The following WWOX variants were observed in gnomAD, a reference collection of about 807,000 sequenced individuals.
WWOX encodes WW domain containing oxidoreductase.
A neutral mutation model predicts 46.2 loss-of-function variants in WWOX; 69 were observed. That is an observed-to-expected ratio of 1.49 (90% CI 1.23 to 1.82). The LOEUF is 1.82. Ranked by LOEUF, WWOX falls within the 40% of genes most tolerant of loss-of-function variation. The pLI is 0.00. For synonymous variants in WWOX, 359 were observed against 202.6 expected (o/e 1.77, Z -6.56); for missense variants, 919 against 542.6 (o/e 1.69, Z -6.89).
intron 5 of WWOX, among the ~76,000 whole-genome samples, chr16:78,377,440 C>T (rs542333709): frequency 6.6e-6 from 1 of 152,134 alleles, no homozygotes; most frequent in South Asian, 2.1e-4. Flanking sequence ...ACTTATTGTA[C>T]TCCTCTTTAC....
intron 8 of WWOX, among the ~76,000 whole-genome samples, chr16:78,681,867 G>C (rs1414941472): frequency 6.6e-6 from 1 of 152,198 alleles, no homozygotes; most frequent in East Asian, 1.9e-4. Flanking sequence ...GAGCTGGTTA[G>C]AAAAACACAA....
At chr16:78,726,453 C>T (rs944310596) in intron 8 of WWOX, among the ~76,000 whole-genome samples, 1 of 151,980 alleles carries the variant, frequency 6.6e-6, no homozygotes, top group Non-Finnish European at 1.5e-5. Flanking sequence ...AGGCTGGTTT[C>T]AAGCTCCTGG....
intron 4 of WWOX, among the ~76,000 whole-genome samples, chr16:78,141,862 GA>G (rs1365786790): frequency 1.3e-5 from 2 of 151,576 alleles, no homozygotes; most frequent in East Asian, 1.9e-4. Flanking sequence ...GCAGGTAATG[GA>G]AAAAAAATTC....
rs577225517 is a variant in WWOX at position 78,888,362 on chromosome 16, C to G, written c.1057-323246C>G. 5.9e-5 allele frequency among the ~76,000 whole-genome samples: 9 copies of G among 152,218 alleles called. No individual in the cohort carries two copies. In the East Asian group the frequency reaches 1.5e-3, roughly 26 times the overall value. On this transcript the variant is annotated intron_variant, in intron 8 of 8. Coordinates refer to ENST00000566780, the MANE Select transcript of WWOX (RefSeq NM_016373.4). ...CAGAACTGAAATCCCAGGTACCTGCCCAGAGGCAGCTCCCTTGGCCCTTGG... is the reference window on the plus strand; with the variant it reads ...CAGAACTGAAATCCCAGGTACCTGCGCAGAGGCAGCTCCCTTGGCCCTTGG...
At chr16:78,808,865 A>G (rs895963022) in intron 8 of WWOX, among the ~76,000 whole-genome samples, 2 of 152,136 alleles carry the variant, frequency 1.3e-5, no homozygotes, top group East Asian at 1.9e-4. Context: ...ATTTGAACAC[A>G]CAAAATATAG....
intron 8 of WWOX, among the ~76,000 whole-genome samples, chr16:78,962,741 C>T (rs1294588438): frequency 6.6e-6 from 1 of 152,102 alleles, no homozygotes; most frequent in Admixed American, 6.6e-5. Context: ...AAACACCACT[C>T]AGATCAAGAC....
chr16:78,674,582 G>A (rs1445573758), intron 8 of WWOX, among the ~76,000 whole-genome samples: 1 of 152,110 alleles, frequency 6.6e-6, no homozygotes, highest in Non-Finnish European at 1.5e-5. Context: ...ACAGCACCCA[G>A]CCAGAACTTC....
At position 78,515,065 on chromosome 16, in the gene WWOX, C is replaced by CA. The variant is rs887232363; in HGVS notation, c.1056+82322dup. On this transcript the variant is annotated intron_variant, in intron 8 of 8. Coordinates refer to ENST00000566780, the MANE Select transcript of WWOX (RefSeq NM_016373.4). The stretch of plus-strand genomic sequence containing the variant: ...CAAAACCCCACCTCTACTAAAAATA[C>CA]AAAAAAAAATTAGCTGAACCTGGTG... Among the ~76,000 whole-genome samples the CA allele has an allele frequency of 5.1e-4, 77 of 151,118 alleles. 1 individual carries two copies. The highest frequency in any genetic ancestry group is 1.5e-3 in the African/African-American group (61 of 41,212).
intron 8 of WWOX, among the ~76,000 whole-genome samples, chr16:78,515,411 G>A (rs1051012913): frequency 3.9e-5 from 6 of 152,046 alleles, no homozygotes; most frequent in African/African-American, 1.4e-4. Context: ...GGAATTAAAT[G>A]GCATATCTGT....
intron 5 of WWOX, among the ~76,000 whole-genome samples, chr16:78,325,940 G>T (rs1271630070): frequency 6.6e-6 from 1 of 152,222 alleles, no homozygotes; most frequent in African/African-American, 2.4e-5. Context: ...TGTGCCTGGT[G>T]CTCAGCACAT....
chr16:78,392,371 G>A (rs753328546), intron 6 of WWOX, among the ~76,000 whole-genome samples: 4 of 152,100 alleles, frequency 2.6e-5, no homozygotes, highest in African/African-American at 9.7e-5. Flanking sequence ...AGATGGGATT[G>A]TCTAGTTCTA....
chr16:78,596,293 T>G (rs1478916545), intron 8 of WWOX, among the ~76,000 whole-genome samples: 2 of 152,236 alleles, frequency 1.3e-5, no homozygotes, highest in Non-Finnish European at 2.9e-5. Flanking sequence ...TTTGAGATCC[T>G]GTCTGGCTGG....
intron 8 of WWOX, among the ~76,000 whole-genome samples, chr16:79,131,548 C>G (rs1477092988): frequency 6.6e-6 from 1 of 152,282 alleles, no homozygotes; most frequent in South Asian, 2.1e-4. Context: ...CGGGGACACC[C>G]AGGAGCCAGT....
rs539282226 is a variant in WWOX, at chr16:78,762,263, C to G, written c.1056+329511C>G. Among the ~76,000 whole-genome samples the G allele has an allele frequency of 3.1e-4, 47 of 152,340 alleles. 1 individual carries two copies. Among genetic ancestry groups the G allele is most frequent in the African/African-American group, 1.1e-3 (47 of 41,586 alleles). The stretch of plus-strand genomic sequence containing the variant: ...AAGACTGTGCCCTTTCATCCACCCT[C>G]TTGGTACTCAAAGCTTGGTCCATGA... On this transcript the variant is annotated intron_variant, in intron 8 of 8. Coordinates refer to ENST00000566780, the MANE Select transcript of WWOX (RefSeq NM_016373.4).
chr16:79,014,027 A>T (rs1383976726), intron 8 of WWOX, among the ~76,000 whole-genome samples: 2 of 152,206 alleles, frequency 1.3e-5, no homozygotes, highest in African/African-American at 2.4e-5. Context: ...CTTCTCAGGC[A>T]GTAATTTAGA....
At chr16:78,651,821 T>C (rs1321377812) in intron 8 of WWOX, among the ~76,000 whole-genome samples, 1 of 152,170 alleles carries the variant, frequency 6.6e-6, no homozygotes, top group Non-Finnish European at 1.5e-5. Context: ...ACAAACTGAT[T>C]GGTTGGACTC....
At chr16:79,150,486 G>T (rs982695657) in intron 8 of WWOX, among the ~76,000 whole-genome samples, 1 of 152,154 alleles carries the variant, frequency 6.6e-6, no homozygotes, top group Non-Finnish European at 1.5e-5. Context: ...CCCCAATATA[G>T]GGAAGACAGG....
At chr16:79,179,376 C>G (rs867730897) in intron 8 of WWOX, among the ~76,000 whole-genome samples, 3 of 152,172 alleles carry the variant, frequency 2.0e-5, no homozygotes, top group Non-Finnish European at 4.4e-5. Context: ...AGGCAGACTT[C>G]TTGGGTACAC....
chr16:78,275,376 G>A (rs1015732406), intron 5 of WWOX, among the ~76,000 whole-genome samples: 5 of 152,152 alleles, frequency 3.3e-5, no homozygotes, highest in Non-Finnish European at 7.3e-5. Context: ...TGTGCCCACC[G>A]GGTCAGCTCA....
Sources: gnomAD v4.1 joint callset for allele counts (sites outside exome capture counted in the v4.1 genomes callset) on GRCh38, gnomAD v4.1.1 for gene constraint, MANE v1.5 for transcripts, NCBI Gene and HGNC (gene_info 2026-07-23, HGNC 2026-07-21) for gene names.